The following SERINC5 variants were observed in gnomAD, a reference collection of about 807,000 sequenced individuals.
SERINC5 encodes the protein serine incorporator 5, also known as chromosome 5 open reading frame 12.
A neutral mutation model predicts 63.1 loss-of-function variants in SERINC5; 41 were observed. The ratio of observed to expected loss-of-function variants is 0.65; its 90% CI spans 0.51 to 0.84. The LOEUF is 0.84. Among genes scored for constraint, SERINC5 ranks in the 40% least tolerant of loss-of-function variants. The pLI is 0.00. For synonymous variants in SERINC5, 222 were observed against 215.2 expected (o/e 1.03, Z -0.28); for missense variants, 523 against 573.0 (o/e 0.91, Z 0.89).
chr5:80,152,634 T>C (rs1048541176), intron 8 of SERINC5, among the ~76,000 whole-genome samples: 1 of 152,126 alleles, frequency 6.6e-6, no homozygotes, highest in Non-Finnish European at 1.5e-5. Context: ...AAGGTTAACA[T>C]TCATTATTTA....
At chr5:80,246,126 T>C (rs1752160918) in intron 1 of SERINC5, among the ~76,000 whole-genome samples, 1 of 152,144 alleles carries the variant, frequency 6.6e-6, no homozygotes, top group Admixed American at 6.6e-5. Context: ...ATACTGCCAT[T>C]GTTTCTGAGA....
At chr5:80,170,530 T>C in intron 5 of SERINC5, among the ~76,000 whole-genome samples, 1 of 152,156 alleles carries the variant, frequency 6.6e-6, no homozygotes, top group Non-Finnish European at 1.5e-5. Flanking sequence ...TAACTCTCCA[T>C]TTGGTGTAAT....
At chr5:80,155,292 T>C (rs757194562) in intron 8 of SERINC5, among the ~76,000 whole-genome samples, 1 of 152,154 alleles carries the variant, frequency 6.6e-6, no homozygotes, top group African/African-American at 2.4e-5. Flanking sequence ...GGGCTGGCCA[T>C]GGCGGCTCAC....
chr5:80,141,238 T>C lies in SERINC5; in HGVS notation c.*2425A>G, dbSNP rs1745486374. The C allele has an allele frequency of 2.0e-6, 2 of 985,450 alleles. No homozygotes were observed. The highest frequency in any genetic ancestry group is 4.7e-5 in the South Asian group (1 of 21,286). 61.0% of individuals were successfully genotyped at this position (985,450 alleles called of 1,614,324 possible). A position where few individuals can be genotyped will look rare whatever the true frequency, so the allele number is the denominator to read the frequency against. On this transcript the variant is annotated 3_prime_UTR_variant, in exon 12 of 12. Coordinates refer to ENST00000507668, the MANE Select transcript of SERINC5 (RefSeq NM_001174072.3). ...AGCAACTGTAACTCTTCCTCTTGCA[T>C]CAGACCAACCGGCAGAAGGGAACGG...
chr5:80,182,025 T>C (rs139136641), intron 2 of SERINC5, among the ~76,000 whole-genome samples: 2 of 152,362 alleles, frequency 1.3e-5, no homozygotes, highest in East Asian at 1.9e-4. Context: ...GTAACATTTA[T>C]ATATTGACAG....
At chr5:80,211,787 G>C (rs970162438) in intron 1 of SERINC5, among the ~76,000 whole-genome samples, 12 of 152,210 alleles carry the variant, frequency 7.9e-5, no homozygotes, top group Admixed American at 7.2e-4. Context: ...ACACACGGCA[G>C]TGTGATCACT....
At chr5:80,218,452 A>G (rs1750764637) in intron 1 of SERINC5, among the ~76,000 whole-genome samples, 1 of 152,168 alleles carries the variant, frequency 6.6e-6, no homozygotes, top group Admixed American at 6.5e-5. Flanking sequence ...AGGTAGGAGA[A>G]TCACTTGAAC....
chr5:80,205,593 G>A lies in SERINC5; in HGVS notation c.28-2540C>T, dbSNP rs908647359. 2.0e-5 allele frequency among the ~76,000 whole-genome samples: 3 copies of A among 152,138 alleles called. No individual in the cohort carries two copies. The East Asian group carries it at 5.8e-4, about 29-fold the overall frequency. ...TTAATGAGTAGGACGTGGGCCCAGAGGAGCACAGAGCTCCTGCTATACCAC... is the reference window on the plus strand; with the variant it reads ...TTAATGAGTAGGACGTGGGCCCAGAAGAGCACAGAGCTCCTGCTATACCAC... On this transcript the variant is annotated intron_variant, in intron 1 of 11. Coordinates refer to ENST00000507668, the MANE Select transcript of SERINC5 (RefSeq NM_001174072.3).
intron 1 of SERINC5, among the ~76,000 whole-genome samples, chr5:80,246,167 A>G (rs541058303): frequency 8.5e-5 from 13 of 152,292 alleles, no homozygotes; most frequent in African/African-American, 2.9e-4. Flanking sequence ...TGAGCATGGA[A>G]TCAAGAACAA....
chr5:80,206,370 T>C (rs1439973651), intron 1 of SERINC5, among the ~76,000 whole-genome samples: 1 of 152,126 alleles, frequency 6.6e-6, no homozygotes, highest in Non-Finnish European at 1.5e-5. Flanking sequence ...TCACAGTCAT[T>C]TCCCTAGTTA....
chr5:80,239,037 G>A (rs2112585003), intron 1 of SERINC5, among the ~76,000 whole-genome samples: 1 of 152,288 alleles, frequency 6.6e-6, no homozygotes, highest in South Asian at 2.1e-4. Context: ...CTGACTAGCT[G>A]TGTGGCCTTG....
At chr5:80,234,669 A>AC (rs1751605986) in intron 1 of SERINC5, among the ~76,000 whole-genome samples, 1 of 151,964 alleles carries the variant, frequency 6.6e-6, no homozygotes, top group African/African-American at 2.4e-5. Flanking sequence ...GTTATCCCCT[A>AC]CCCTCCAACC....
At chr5:80,222,746 G>C (rs34210740) in intron 1 of SERINC5, among the ~76,000 whole-genome samples, 1 of 151,664 alleles carries the variant, frequency 6.6e-6, no homozygotes, top group African/African-American at 2.4e-5. Context: ...CTAATTTTTT[G>C]TATTTTTAGT....
At chr5:80,112,519 G>A (rs778295868) in intron 12 of SERINC5, among the ~76,000 whole-genome samples, 7 of 152,088 alleles carry the variant, frequency 4.6e-5, no homozygotes, top group African/African-American at 1.2e-4. Context: ...CAGGTCCTCC[G>A]TATGCTGAGC....
intron 1 of SERINC5, among the ~76,000 whole-genome samples, chr5:80,243,376 G>A (rs1003866108): frequency 1.3e-5 from 2 of 152,044 alleles, no homozygotes; most frequent in South Asian, 2.1e-4. Flanking sequence ...TGTTAAAGGG[G>A]ATTTTATCTC....
intron 2 of SERINC5, among the ~76,000 whole-genome samples, chr5:80,201,464 G>C (rs1261445663): frequency 2.6e-5 from 4 of 152,228 alleles, no homozygotes; most frequent in Non-Finnish European, 5.9e-5. Context: ...TGCTGGGTGA[G>C]TCTGAGTCAT....
At chr5:80,182,956 T>C (rs1748549939) in intron 2 of SERINC5, among the ~76,000 whole-genome samples, 1 of 152,106 alleles carries the variant, frequency 6.6e-6, no homozygotes, top group Admixed American at 6.6e-5. Context: ...TTTTCCCTTC[T>C]CTACAAAGGC....
chr5:80,189,482 G>A lies in SERINC5; in HGVS notation c.196-11418C>T, dbSNP rs1030784259. On this transcript the variant is annotated intron_variant, in intron 2 of 11. Coordinates refer to ENST00000507668, the MANE Select transcript of SERINC5 (RefSeq NM_001174072.3). ...CTACGGAGGTCTGAACTTTCGTTTC[G>A]GCTAGAAAATACGGCTATGGCCCCA... Among the ~76,000 whole-genome samples, 15 of 152,300 alleles carry A rather than the reference G, an allele frequency of 9.8e-5. 1 individual carries two copies. The highest frequency in any genetic ancestry group is 6.2e-4 in the South Asian group (3 of 4,828).
intron 11 of SERINC5, among the ~76,000 whole-genome samples, chr5:80,132,877 T>A (rs1745003234): frequency 6.6e-6 from 1 of 152,212 alleles, no homozygotes; most frequent in Non-Finnish European, 1.5e-5. Flanking sequence ...TTGCTACATG[T>A]TTGGGACCAA....
Sources: allele counts gnomAD v4.1 joint callset (sites outside exome capture counted in the v4.1 genomes callset), GRCh38; gene constraint gnomAD v4.1.1; transcripts MANE v1.5; gene names NCBI Gene and HGNC (gene_info 2026-07-23, HGNC 2026-07-21).